Variants in FN3KRP observed in about 807,000 individuals in gnomAD.
The protein encoded by FN3KRP is fructosamine 3 kinase related protein.
FN3KRP carries 33 observed loss-of-function variants against 29.8 expected under a neutral mutation model. That is an observed-to-expected ratio of 1.11 (90% CI 0.84 to 1.48). The LOEUF is 1.48. Ranked by LOEUF, FN3KRP falls within the 40% of genes most tolerant of loss-of-function variation. FN3KRP has a pLI of 0.00. For missense variants in FN3KRP, 430 were observed against 402.6 expected (o/e 1.07, Z -0.58); for synonymous variants, 157 against 155.2 (o/e 1.01, Z -0.09).
In FN3KRP at chr17:82,716,748, G is replaced by T; in HGVS notation, c.-8G>T. Reference sequence around the variant, plus strand: ...GATCCGGGGCGGGTCCGCGGCCGCGGCGGGAACATGGAGGAGCTCCTGAGG... The same window carrying T: ...GATCCGGGGCGGGTCCGCGGCCGCGTCGGGAACATGGAGGAGCTCCTGAGG... On this transcript the variant is annotated 5_prime_UTR_variant, in exon 1 of 6. Transcript: ENST00000269373. The T allele has an allele frequency of 6.7e-7, 1 of 1,489,546 alleles. No individual in the cohort carries two copies. Among genetic ancestry groups the T allele is most frequent in the Non-Finnish European group, 8.9e-7 (1 of 1,126,174 alleles). 92.3% of individuals were successfully genotyped at this position (1,489,546 alleles called of 1,614,324 possible). A position where few individuals can be genotyped will look rare whatever the true frequency, so the allele number is the denominator to read the frequency against.
intron 1 of FN3KRP, among the ~76,000 whole-genome samples, chr17:82,718,167 G>A (rs1363206683): frequency 6.8e-6 from 1 of 146,752 alleles, no homozygotes; most frequent in Non-Finnish European, 1.5e-5. Flanking sequence ...TTGTGTGTCT[G>A]TATATGTTGT....
chr17:82,725,889 C>T (rs1380896745), intron 4 of FN3KRP, among the ~76,000 whole-genome samples: 1 of 152,186 alleles, frequency 6.6e-6, no homozygotes, highest in Non-Finnish European at 1.5e-5. Context: ...AAAGTGGGAG[C>T]AGGGCCAGGT....
intron 4 of FN3KRP, among the ~76,000 whole-genome samples, chr17:82,723,587 A>G (rs763457834): frequency 4.6e-4 from 69 of 151,074 alleles, no homozygotes; most frequent in Admixed American, 8.5e-4. Flanking sequence ...GTGTGTGCAT[A>G]TGTGTGCATG....
intron 3 of FN3KRP, 47 bp downstream of exon 3, chr17:82,720,410 T>A (rs1474008788): frequency 1.3e-6 from 2 of 1,507,682 alleles, no homozygotes; most frequent in Non-Finnish European, 1.8e-6. Flanking sequence ...GAGGAGGACG[T>A]TCAGCCGGTG....
intron 4 of FN3KRP, among the ~76,000 whole-genome samples, chr17:82,725,288 T>C (rs1284055075): frequency 2.7e-5 from 4 of 150,854 alleles, no homozygotes; most frequent in Non-Finnish European, 5.9e-5. Flanking sequence ...ACCACCACAC[T>C]TGGCTAATTT....
chr17:82,722,866 T>C lies in FN3KRP; in HGVS notation c.448T>C (p.Cys150Arg). The C allele has an allele frequency of 6.2e-7, 1 of 1,614,086 alleles. No homozygotes were observed. The highest frequency in any genetic ancestry group is 1.1e-5 in the South Asian group (1 of 91,080). The change falls in exon 4 of 6, where the codon TGC becomes CGC. Residue 150 changes from cysteine to arginine, a missense_variant. Coordinates refer to ENST00000269373, the MANE Select transcript of FN3KRP (RefSeq NM_024619.4). ...CCGGTTTGGATTTGACGTGGTGACGTGCTGTGGATACCTCCCCCAGGTGAG... is the reference window on the plus strand; with the variant it reads ...CCGGTTTGGATTTGACGTGGTGACGCGCTGTGGATACCTCCCCCAGGTGAG... ...VARFGFDVVTCCGYLPQVNDW... is the reference protein window; with the variant it reads ...VARFGFDVVTRCGYLPQVNDW...
intron 1 of FN3KRP, among the ~76,000 whole-genome samples, chr17:82,717,616 G>T (rs962661540): frequency 1.3e-5 from 2 of 152,224 alleles, no homozygotes; most frequent in African/African-American, 4.8e-5. Context: ...CTACTCGGGA[G>T]GCTGAGGCAG....
chr17:82,726,828 T>G lies in FN3KRP; in HGVS notation c.592-5T>G. The G allele has an allele frequency of 6.6e-7, 1 of 1,526,292 alleles. No homozygotes were observed. Among genetic ancestry groups the G allele is most frequent in the Non-Finnish European group, 8.8e-7 (1 of 1,139,472 alleles). The allele number at this position is 1,526,292 out of a possible 1,614,324, so 94.5% of individuals were successfully genotyped here. A position where few individuals can be genotyped will look rare whatever the true frequency, so the allele number is the denominator to read the frequency against. ...TTTGCTGAGGCTCCATTTTCCTCCC[T>G]GCAGTTAAAGATCCCTGACCTGTTC... On this transcript the variant is annotated splice_region_variant and splice_polypyrimidine_tract_variant and intron_variant, in intron 5 of 5. Transcript: ENST00000269373.
At chr17:82,726,798 A>T (rs2046841156) in intron 5 of FN3KRP, 35 bp from the exon 6 acceptor site, 1 of 1,518,622 alleles carries the variant, frequency 6.6e-7, no homozygotes, top group Non-Finnish European at 8.8e-7. Flanking sequence ...GCACGCGTTG[A>T]TCAATTTGCT....
intron 4 of FN3KRP, 112 bp downstream of exon 4, chr17:82,722,998 A>C: frequency 1.0e-6 from 1 of 956,966 alleles, no homozygotes; most frequent in South Asian, 1.7e-5. Flanking sequence ...AAGTATTTGC[A>C]CCATTTTTTC....
chr17:82,718,507 G>A, intron 1 of FN3KRP: 1 of 995,466 alleles, frequency 1.0e-6, no homozygotes, highest in Non-Finnish European at 1.2e-6. Flanking sequence ...TGAGAGGTCG[G>A]GTGAGTCTGT....
intron 4 of FN3KRP, among the ~76,000 whole-genome samples, chr17:82,726,083 G>C (rs2046834898): frequency 6.6e-6 from 1 of 152,162 alleles, no homozygotes; most frequent in Non-Finnish European, 1.5e-5. Context: ...GGGAGGCTGA[G>C]GCAGGAGAAT....
rs750901852 is a variant in FN3KRP, at chr17:82,727,101, A to T, written c.860A>T (p.Asn287Ile). The T allele has an allele frequency of 2.4e-5, 38 of 1,613,942 alleles. No individual in the cohort carries two copies. The South Asian group carries it at 3.8e-4, about 16-fold the overall frequency. The change falls in exon 6 of 6, where the codon AAC (asparagine) becomes ATC (isoleucine). Residue 287 changes from asparagine to isoleucine, a missense_variant. Asn to Ile is a moderately radical substitution (Grantham distance 149). Coordinates refer to ENST00000269373, the MANE Select transcript of FN3KRP (RefSeq NM_024619.4). ...LQLYQLFHYL[N>I]HWNHFGSGYR... Reference sequence around the variant, plus strand: ...TTGTATCAGCTCTTTCACTACTTGAACCACTGGAATCATTTTGGATCGGGG... The same window carrying T: ...TTGTATCAGCTCTTTCACTACTTGATCCACTGGAATCATTTTGGATCGGGG...
At chr17:82,724,165 G>A (rs1292966536) in intron 4 of FN3KRP, among the ~76,000 whole-genome samples, 3 of 151,274 alleles carry the variant, frequency 2.0e-5, no homozygotes, top group Admixed American at 6.6e-5. Context: ...GTGGTGGTGC[G>A]TGCCTGTAGT....
At chr17:82,717,862 A>G (rs2249888) in intron 1 of FN3KRP, among the ~76,000 whole-genome samples, 60,148 of 151,858 alleles carry the variant, frequency 0.4, 12,100 homozygotes, top group East Asian at 0.44. Context: ...GTGTGTGTCT[A>G]TGTGTATGTT....
chr17:82,723,638 CGT>C (rs1460014623), intron 4 of FN3KRP, among the ~76,000 whole-genome samples: 3 of 151,902 alleles, frequency 2.0e-5, no homozygotes, highest in African/African-American at 4.8e-5. Flanking sequence ...TGTGTGCACA[CGT>C]GTGTGCATGT....
intron 2 of FN3KRP, among the ~76,000 whole-genome samples, chr17:82,719,402 A>G (rs966560579): frequency 3.3e-5 from 5 of 152,156 alleles, no homozygotes; most frequent in African/African-American, 1.2e-4. Flanking sequence ...AACGGCAGGC[A>G]CTCTCTGCAA....
rs1256769359 is a variant in FN3KRP, at chr17:82,726,897, G to A, written c.656G>A (p.Trp219Ter). 6.3e-7 allele frequency: 1 copy of A among 1,598,710 alleles called. No individual in the cohort carries two copies. The highest frequency in any genetic ancestry group is 1.7e-5 in the Admixed American group (1 of 58,420). ...IIPALLHGDL[W>*]GGNVAEDSSG... ...CCAGCCTTACTCCACGGGGACCTCTGGGGTGGAAACGTAGCAGAGGATTCC... is the reference window on the plus strand; with the variant it reads ...CCAGCCTTACTCCACGGGGACCTCTAGGGTGGAAACGTAGCAGAGGATTCC... The change falls in exon 6 of 6, where the codon TGG becomes TAG. Residue 219 changes from tryptophan to a stop codon, truncating the protein, a stop_gained. Transcript: ENST00000269373. LOFTEE classifies it high-confidence loss of function.
chr17:82,717,587 C>T (rs1468214670), intron 1 of FN3KRP, among the ~76,000 whole-genome samples: 1 of 152,094 alleles, frequency 6.6e-6, no homozygotes, highest in Non-Finnish European at 1.5e-5. Context: ...GGCGTGGTGG[C>T]GGGCGCCTGT....
Sources: allele counts gnomAD v4.1 joint callset (sites outside exome capture counted in the v4.1 genomes callset), GRCh38; gene constraint gnomAD v4.1.1; transcripts MANE v1.5; gene names NCBI Gene and HGNC (gene_info 2026-07-23, HGNC 2026-07-21).